Variants in CACNA1I observed in about 807,000 individuals in gnomAD.
CACNA1I encodes voltage-dependent T-type calcium channel subunit alpha-1I.
CACNA1I carries 74 observed loss-of-function variants against 201.6 expected under a neutral mutation model. The observed-to-expected ratio is 0.37, with a 90% CI of 0.30 to 0.45. CACNA1I has a LOEUF of 0.45. CACNA1I is among the 20% of genes least tolerant of loss of function. The pLI is 1.00. For synonymous variants in CACNA1I, 1,431 were observed against 1,345.2 expected (o/e 1.06, Z -1.40); for missense variants, 2,346 against 3,138.1 (o/e 0.75, Z 6.03).
Position 39,689,233 on chromosome 22 carries a change from G to A in CACNA1I, c.*2828G>A, listed in dbSNP as rs1465635134. 2 of 152,920 alleles carry A rather than the reference G, an allele frequency of 1.3e-5. No homozygotes were observed. The highest frequency in any genetic ancestry group is 6.5e-5 in the Admixed American group (1 of 15,282). 9.5% of individuals were successfully genotyped at this position (152,920 alleles called of 1,614,324 possible). A position where few individuals can be genotyped will look rare whatever the true frequency, so the allele number is the denominator to read the frequency against. ...GGCACCTTGGCATCTGTGCAGAGAC[G>A]GCCCAGTCTGGCCAAATCCTCTTCC... On this transcript the variant is annotated 3_prime_UTR_variant, in exon 37 of 37. Coordinates refer to ENST00000402142, the MANE Select transcript of CACNA1I (RefSeq NM_021096.4).
intron 26 of CACNA1I, among the ~76,000 whole-genome samples, chr22:39,671,512 C>A (rs1935377537): frequency 6.6e-6 from 1 of 152,114 alleles, no homozygotes; most frequent in African/African-American, 2.4e-5. Flanking sequence ...CAGGCAAACA[C>A]TGGGGGTGGG....
At chr22:39,642,312 C>A (rs1934370969) in intron 6 of CACNA1I, among the ~76,000 whole-genome samples, 1 of 152,118 alleles carries the variant, frequency 6.6e-6, no homozygotes, top group South Asian at 2.1e-4. Context: ...GCTGCTCCAT[C>A]CCCCAGTCTG....
intron 1 of CACNA1I, among the ~76,000 whole-genome samples, chr22:39,588,363 C>T (rs1231341701): frequency 2.2e-5 from 3 of 136,116 alleles, no homozygotes; most frequent in African/African-American, 5.4e-5. Context: ...CAGTTCAAGG[C>T]GTTTTCTTTC....
chr22:39,655,975 C>T (rs1431125231), intron 10 of CACNA1I, among the ~76,000 whole-genome samples: 2 of 152,194 alleles, frequency 1.3e-5, no homozygotes, highest in African/African-American at 2.4e-5. Flanking sequence ...TCAGCGCCTA[C>T]AGCTTTCATC....
intron 29 of CACNA1I, 62 bp downstream of exon 29, chr22:39,674,095 G>A (rs1341423838): frequency 6.1e-5 from 90 of 1,483,184 alleles, no homozygotes; most frequent in South Asian, 5.8e-4. Context: ...GGGCCCTGGG[G>A]CATGAAGGCC....
rs1935537711 is a variant in CACNA1I at position 39,677,201 on chromosome 22, G to A, written c.4855-140G>A. On this transcript the variant is annotated intron_variant, in intron 29 of 36. Transcript: ENST00000402142. This position sits in a 1 kb window ranked among gnomAD's most constrained non-coding sequence, Gnocchi z 4.8. ...AGGTCCTGTAGGGGTGGCAGACGTGGACACACAGCCTGGGGGAATGTTACA... is the reference window on the plus strand; with the variant it reads ...AGGTCCTGTAGGGGTGGCAGACGTGAACACACAGCCTGGGGGAATGTTACA... 5 of 612,540 alleles carry A rather than the reference G, an allele frequency of 8.2e-6. No homozygotes were observed. The East Asian group carries it at 1.5e-4, about 18-fold the overall frequency. The allele number at this position is 612,540 out of a possible 1,614,324, so 37.9% of individuals were successfully genotyped here. A position where few individuals can be genotyped will look rare whatever the true frequency, so the allele number is the denominator to read the frequency against.
Position 39,686,438 on chromosome 22 carries a change from G to T in CACNA1I, c.*33G>T. On this transcript the variant is annotated 3_prime_UTR_variant, in exon 37 of 37. Transcript: ENST00000402142. ...AGGGGCCCCCGGCCGCCCACCGCCC[G>T]CCCCGTCTCACCTTCTTTACCTCAG... The T allele has an allele frequency of 1.1e-5, 13 of 1,207,238 alleles. No homozygotes were observed. The highest frequency in any genetic ancestry group is 1.3e-5 in the Non-Finnish European group (13 of 964,706). 74.8% of individuals were successfully genotyped at this position (1,207,238 alleles called of 1,614,324 possible). A position where few individuals can be genotyped will look rare whatever the true frequency, so the allele number is the denominator to read the frequency against.
In CACNA1I at chr22:39,663,710, C is replaced by CCCCCCCCCGG; in HGVS notation, c.3474-8_3474-7insCCCCCCCCGG. ...GACGCTCAGGCAGCCCCCGCCCACC[C>CCCCCCCCCGG]TGCCCAGGTTCCGGGTCCTGTGTCA... On this transcript the variant is annotated splice_region_variant and splice_polypyrimidine_tract_variant and intron_variant, in intron 18 of 36. Transcript: ENST00000402142. 4 of 1,579,492 alleles carry CCCCCCCCCGG rather than the reference C, an allele frequency of 2.5e-6. No individual in the cohort carries two copies. Among genetic ancestry groups the CCCCCCCCCGG allele is most frequent in the Non-Finnish European group, 3.5e-6 (4 of 1,149,486 alleles).
chr22:39,662,765 C>T lies in CACNA1I; in HGVS notation c.3373-11C>T, dbSNP rs748389573. 1.7e-5 allele frequency: 26 copies of T among 1,559,728 alleles called. No individual in the cohort carries two copies. The Admixed American group carries it at 3.3e-4, about 20-fold the overall frequency. ...TCGCTGACCCCCGGCGCTCCGTCCT[C>T]CTCTTGCTAGACCCTGTGCTTCCGC... On this transcript the variant is annotated splice_polypyrimidine_tract_variant and intron_variant, in intron 17 of 36. Transcript: ENST00000402142.
chr22:39,643,002 C>T (rs981260048), intron 7 of CACNA1I, 113 bp downstream of exon 7: 25 of 667,664 alleles, frequency 3.7e-5, no homozygotes, highest in African/African-American at 7.2e-5. Context: ...CCAGGACAGC[C>T]GGGATGAGGG....
At chr22:39,623,149 T>TTC (rs1219397931) in intron 4 of CACNA1I, among the ~76,000 whole-genome samples, 1 of 152,156 alleles carries the variant, frequency 6.6e-6, no homozygotes, top group African/African-American at 2.4e-5. Context: ...CCAGGCGGGC[T>TTC]TCTCTACATC....
chr22:39,623,804 G>A (rs759645790), intron 4 of CACNA1I, among the ~76,000 whole-genome samples: 3 of 146,822 alleles, frequency 2.0e-5, no homozygotes, highest in Admixed American at 6.8e-5. Flanking sequence ...CTGTGAAAGG[G>A]TGTGTACGTG....
intron 1 of CACNA1I, among the ~76,000 whole-genome samples, chr22:39,585,650 A>T (rs1219824835): frequency 1.7e-4 from 25 of 145,422 alleles, no homozygotes; most frequent in Non-Finnish European, 3.6e-4. Flanking sequence ...GGCCTCCCAA[A>T]GTGCTGGGTG....
chr22:39,638,139 C>T (rs1420165490), intron 5 of CACNA1I, among the ~76,000 whole-genome samples: 2 of 152,290 alleles, frequency 1.3e-5, no homozygotes, highest in African/African-American at 4.8e-5. Context: ...GGGGTTTTGC[C>T]ATGTTGGCCA....
In CACNA1I at chr22:39,624,625, C is replaced by T. The variant is rs151321977; in HGVS notation, c.580+5218C>T. ...CTGCAGATACTCACAGGCGATTCTG[C>T]GGGAGCCGCAGGCTGTTGGAGCACG... On this transcript the variant is annotated intron_variant, in intron 4 of 36. Transcript: ENST00000402142. 5.1e-3 allele frequency among the ~76,000 whole-genome samples: 777 copies of T among 152,314 alleles called. 6 individuals are homozygous for T. Among genetic ancestry groups the T allele is most frequent in the African/African-American group, 0.017 (717 of 41,578 alleles).
Position 39,686,152 on chromosome 22 carries a change from C to T in CACNA1I, c.6419C>T (p.Pro2140Leu). ...LSLTSLFCPP[P>L]PPPAPGLTPA... ...CTCACCTCCCTCTTCTGCCCGCCGC[C>T]CCCGCCGCCAGCCCCCGGCCTCACG... The change falls in exon 37 of 37, where the codon CCC becomes CTC. Residue 2140 changes from proline (P) to leucine (L), a missense_variant. Pro to Leu is a moderately conservative substitution (Grantham distance 98). Coordinates refer to ENST00000402142, the MANE Select transcript of CACNA1I (RefSeq NM_021096.4). 2.3e-6 allele frequency: 3 copies of T among 1,282,150 alleles called. No individual in the cohort carries two copies. Among genetic ancestry groups the T allele is most frequent in the Non-Finnish European group, 3.0e-6 (3 of 1,015,882 alleles). 79.4% of individuals were successfully genotyped at this position (1,282,150 alleles called of 1,614,324 possible). A position where few individuals can be genotyped will look rare whatever the true frequency, so the allele number is the denominator to read the frequency against.
rs952859005 is a variant in CACNA1I at position 39,646,690 on chromosome 22, C to T, written c.1271C>T (p.Thr424Met). The change falls in exon 8 of 37, where the codon ACG becomes ATG. Residue 424 changes from threonine (T) to methionine (M), a missense_variant. Thr to Met is a moderately conservative substitution (Grantham distance 81). This residue lies in a region of CACNA1I where 312 missense variants were observed against 331.5 expected (regional missense o/e 0.94). Coordinates refer to ENST00000402142, the MANE Select transcript of CACNA1I (RefSeq NM_021096.4). ...CGGCAGCGCTACCTGTCCTCCAGCA[C>T]GGTGGCCAGCTACGCCGAGCCTGGC... is the stretch of plus-strand genomic sequence containing the variant. ...EQRQRYLSSS[T>M]VASYAEPGDC... 2.5e-6 allele frequency: 4 copies of T among 1,589,714 alleles called. No homozygotes were observed. The highest frequency in any genetic ancestry group is 1.1e-5 in the South Asian group (1 of 87,466).
At chr22:39,593,632 C>T (rs1372908663) in intron 1 of CACNA1I, among the ~76,000 whole-genome samples, 2 of 152,114 alleles carry the variant, frequency 1.3e-5, no homozygotes, top group African/African-American at 4.8e-5. Context: ...GCGTACCAGG[C>T]TTGGGAGGGT....
chr22:39,631,081 G>T (rs1280312600), intron 4 of CACNA1I, among the ~76,000 whole-genome samples: 2 of 152,194 alleles, frequency 1.3e-5, no homozygotes, highest in Non-Finnish European at 2.9e-5. Context: ...GGCTGTTGGA[G>T]GCTTCTGACT....
Sources: allele counts gnomAD v4.1 joint callset (sites outside exome capture counted in the v4.1 genomes callset), GRCh38; gene constraint gnomAD v4.1.1; regional missense constraint gnomAD v4.1.1; non-coding constraint Gnocchi (gnomAD v3.1); transcripts MANE v1.5; gene names NCBI Gene and HGNC (gene_info 2026-07-23, HGNC 2026-07-21).